Variants in CD36 observed in about 807,000 individuals in gnomAD.
CD36 encodes the protein platelet glycoprotein 4.
Under a neutral mutation model 55.2 loss-of-function variants are expected in CD36, and 119 were observed. That is an observed-to-expected ratio of 2.15 (90% CI 1.86 to 2.51). CD36 has a LOEUF of 2.51. CD36 is among the 30% of genes most tolerant of loss of function. The pLI is 0.00. For synonymous variants in CD36, 186 were observed against 193.6 expected (o/e 0.96, Z 0.33); for missense variants, 819 against 555.5 (o/e 1.47, Z -4.77).
chr7:80,604,844 TAAAA>T (rs1192778433), intron 1 of CD36, among the ~76,000 whole-genome samples: 1 of 152,042 alleles, frequency 6.6e-6, no homozygotes. Flanking sequence ...TTTAGAAAAT[TAAAA>T]AAATATATAT....
intron 3 of CD36, among the ~76,000 whole-genome samples, chr7:80,654,703 T>C (rs1445661590): frequency 6.6e-6 from 1 of 152,146 alleles, no homozygotes; most frequent in Non-Finnish European, 1.5e-5. Context: ...CTCTAGCAGG[T>C]CCAATGTACC....
At position 80,677,169 on chromosome 7, in the gene CD36, TA is replaced by T. The variant is rs1448621052; in HGVS notation, c.*788del. On this transcript the variant is annotated 3_prime_UTR_variant, in exon 15 of 15. Transcript: ENST00000447544. ...ACCACTTTGTTCTAGGCTAATTTTTTAAGCTAATTGGATGAAGAACAAAAAG... is the reference window on the plus strand; with the variant it reads ...ACCACTTTGTTCTAGGCTAATTTTTTAGCTAATTGGATGAAGAACAAAAAG... 1 of 152,204 alleles carries T rather than the reference TA, an allele frequency of 6.6e-6. No homozygotes were observed. Among genetic ancestry groups the T allele is most frequent in the African/African-American group, 2.4e-5 (1 of 41,464 alleles). The allele number at this position is 152,204 out of a possible 1,614,324, so 9.4% of individuals were successfully genotyped here.
At chr7:80,669,828 C>T (rs2116836306) in intron 8 of CD36, 125 bp from the exon 9 acceptor site, 3 of 764,450 alleles carry the variant, frequency 3.9e-6, no homozygotes, top group Non-Finnish European at 7.1e-6. Flanking sequence ...AAAAATGTGG[C>T]TGCTAGATAA....
chr7:80,634,551 T>A (rs1794272203), upstream of CD36, among the ~76,000 whole-genome samples: 1 of 152,084 alleles, frequency 6.6e-6, no homozygotes, highest in South Asian at 2.1e-4. Context: ...AGGAATACAA[T>A]GATTATTACG....
At chr7:80,659,963 A>T (rs1796396187) in intron 4 of CD36, among the ~76,000 whole-genome samples, 1 of 152,086 alleles carries the variant, frequency 6.6e-6, no homozygotes, top group Admixed American at 6.6e-5. Context: ...ATTTACTGAG[A>T]ACTCATTATA....
chr7:80,629,729 C>T (rs1376869590), intron 1 of CD36, among the ~76,000 whole-genome samples: 1 of 151,980 alleles, frequency 6.6e-6, no homozygotes, highest in Non-Finnish European at 1.5e-5. Context: ...TGAGATGGCT[C>T]AATTTTGTCA....
At chr7:80,661,418 CATT>C (rs946304880) in intron 5 of CD36, among the ~76,000 whole-genome samples, 2 of 151,972 alleles carry the variant, frequency 1.3e-5, no homozygotes, top group African/African-American at 4.8e-5. Context: ...TTATTTTTTT[CATT>C]ATTTTTTGTC....
At chr7:80,617,341 C>T (rs902733219) in intron 1 of CD36, among the ~76,000 whole-genome samples, 1 of 151,654 alleles carries the variant, frequency 6.6e-6, no homozygotes, top group Non-Finnish European at 1.5e-5. Flanking sequence ...CACAGTTTAC[C>T]TATGTAACAA....
At chr7:80,653,430 A>G (rs1029396369) in intron 3 of CD36, among the ~76,000 whole-genome samples, 1 of 152,182 alleles carries the variant, frequency 6.6e-6, no homozygotes, top group Non-Finnish European at 1.5e-5. Context: ...CCCAACAAGC[A>G]TCTGTTTTCA....
chr7:80,617,138 T>C (rs922613760), intron 1 of CD36, among the ~76,000 whole-genome samples: 2 of 152,070 alleles, frequency 1.3e-5, no homozygotes, highest in Non-Finnish European at 2.9e-5. Context: ...TCTGTCATAG[T>C]AGGTCCTATT....
At chr7:80,656,438 C>G (rs947678278) in intron 3 of CD36, 102 bp from the exon 4 acceptor site, 1 of 1,001,002 alleles carries the variant, frequency 1.0e-6, no homozygotes. Context: ...GGTACTTGGG[C>G]TTGGTCCTTT....
At chr7:80,662,889 T>A (rs1199871959) in intron 5 of CD36, 101 bp from the exon 6 acceptor site, 2 of 957,112 alleles carry the variant, frequency 2.1e-6, no homozygotes, top group Non-Finnish European at 3.3e-6. Flanking sequence ...AAGATAAGCT[T>A]TAAAAAGTTT....
At chr7:80,652,248 A>G (rs1795684662) in intron 3 of CD36, among the ~76,000 whole-genome samples, 1 of 152,216 alleles carries the variant, frequency 6.6e-6, no homozygotes, top group Non-Finnish European at 1.5e-5. Flanking sequence ...TTCTTCTACT[A>G]GTCCAATTTA....
intron 1 of CD36, among the ~76,000 whole-genome samples, chr7:80,645,493 A>T (rs1046551540): frequency 4.6e-5 from 7 of 151,676 alleles, no homozygotes; most frequent in African/African-American, 1.7e-4. Context: ...TTAACCAGGC[A>T]TGGTGGCGTG....
At chr7:80,655,851 G>A (rs1796005349) in intron 3 of CD36, among the ~76,000 whole-genome samples, 1 of 151,350 alleles carries the variant, frequency 6.6e-6, no homozygotes, top group Non-Finnish European at 1.5e-5. Flanking sequence ...AGCCTGGGAG[G>A]TCAAGGCTGC....
At chr7:80,650,366 T>C (rs537396033) in intron 3 of CD36, among the ~76,000 whole-genome samples, 1 of 152,256 alleles carries the variant, frequency 6.6e-6, no homozygotes, top group East Asian at 1.9e-4. Context: ...GTTTCTTTTT[T>C]CTTCAGTTTA....
chr7:80,603,921 C>T (rs1792389653), intron 1 of CD36, among the ~76,000 whole-genome samples: 1 of 152,048 alleles, frequency 6.6e-6, no homozygotes, highest in African/African-American at 2.4e-5. Context: ...TTGCTTTTGG[C>T]ACAAATTACT....
In CD36 at chr7:80,656,648, A is replaced by T. The variant is rs775124558; in HGVS notation, c.229A>T (p.Met77Leu). 6.2e-7 allele frequency: 1 copy of T among 1,613,866 alleles called. No individual in the cohort carries two copies. Among genetic ancestry groups the T allele is most frequent in the Non-Finnish European group, 8.5e-7 (1 of 1,179,844 alleles). ...TGATGTGCAAAATCCACAGGAAGTGATGATGAACAGCAGCAACATTCAAGT... is the reference window on the plus strand; with the variant it reads ...TGATGTGCAAAATCCACAGGAAGTGTTGATGAACAGCAGCAACATTCAAGT... ...IFDVQNPQEV[M>L]MNSSNIQVKQ... The change falls in exon 4 of 15, where the codon ATG (methionine) becomes TTG (leucine). Residue 77 changes from methionine (M) to leucine (L), a missense_variant. Transcript: ENST00000447544.
At chr7:80,605,379 G>T (rs955147834) in intron 1 of CD36, among the ~76,000 whole-genome samples, 7 of 152,038 alleles carry the variant, frequency 4.6e-5, no homozygotes, top group Admixed American at 4.6e-4. Context: ...TTTGATGAAG[G>T]TTAACAAACA....
Sources: gnomAD v4.1 joint callset for allele counts (sites outside exome capture counted in the v4.1 genomes callset) on GRCh38, gnomAD v4.1.1 for gene constraint, MANE v1.5 for transcripts, NCBI Gene and HGNC (gene_info 2026-07-23, HGNC 2026-07-21) for gene names.